ZFHX3: variants seen among roughly 807,000 people sequenced by gnomAD.
ZFHX3 encodes zinc finger homeobox protein 3.
Under a neutral mutation model 279.1 loss-of-function variants are expected in ZFHX3, and 42 were observed. The observed-to-expected ratio is 0.15, with a 90% confidence interval of 0.12 to 0.19. ZFHX3 has a LOEUF of 0.19. Ranked by LOEUF, ZFHX3 falls within the 10% of genes least tolerant of loss-of-function variation. The pLI, the probability that ZFHX3 is intolerant of heterozygous loss-of-function variation, is 1.00. For synonymous variants in ZFHX3, 2,293 were observed against 1,957.8 expected (o/e 1.17, Z -4.52); for missense variants, 4,981 against 4,754.0 (o/e 1.05, Z -1.40).
At chr16:73,586,335 G>C (rs940270138) in intron 2 of ZFHX3, among the ~76,000 whole-genome samples, 1 of 151,944 alleles carries the variant, frequency 6.6e-6, no homozygotes, top group African/African-American at 2.4e-5. Context: ...GTTACAGAAA[G>C]CTGAGATCGC....
intron 4 of ZFHX3, among the ~76,000 whole-genome samples, chr16:73,302,330 C>T (rs1349205954): frequency 6.6e-6 from 1 of 152,018 alleles, no homozygotes; most frequent in Non-Finnish European, 1.5e-5. Context: ...ATTCAATTGG[C>T]TTGCCCAGCA....
At chr16:73,458,568 G>T (rs1330504506) in intron 2 of ZFHX3, among the ~76,000 whole-genome samples, 3 of 152,072 alleles carry the variant, frequency 2.0e-5, no homozygotes, top group Non-Finnish European at 4.4e-5. Flanking sequence ...ATATTGGCCA[G>T]GCTGGTCTCG....
At chr16:73,421,768 G>A (rs1434644933) in intron 3 of ZFHX3, among the ~76,000 whole-genome samples, 1 of 152,164 alleles carries the variant, frequency 6.6e-6, no homozygotes, top group African/African-American at 2.4e-5. Context: ...CAGGGCTTCT[G>A]TCTGGGTGGG....
chr16:72,813,681 G>GAGACA (rs2036525511), intron 5 of ZFHX3, among the ~76,000 whole-genome samples: 2 of 152,066 alleles, frequency 1.3e-5, no homozygotes, highest in Admixed American at 6.5e-5. Context: ...AATCTGTCTC[G>GAGACA]AATCGACTTC....
At chr16:72,828,937 G>C (rs749331802) in intron 5 of ZFHX3, among the ~76,000 whole-genome samples, 2 of 151,306 alleles carry the variant, frequency 1.3e-5, no homozygotes, top group Non-Finnish European at 2.9e-5. Flanking sequence ...GCAATCTGCC[G>C]ACCTCAGCCT....
chr16:73,216,360 C>A (rs2012207604), intron 5 of ZFHX3, among the ~76,000 whole-genome samples: 1 of 152,330 alleles, frequency 6.6e-6, no homozygotes, highest in South Asian at 2.1e-4. Context: ...GCATCAGTTT[C>A]TCTGCAAATC....
At position 73,857,419 on chromosome 16, in the gene ZFHX3, G is replaced by C. The variant is rs144187297; in HGVS notation, c.-1608+34232C>G. ...AAAGACTCCAAGTCCTTTGGTAGGA[G>C]GGACACATCCCCTCTCTTTAGCATA... On this transcript the variant is annotated intron_variant, in intron 1 of 17. Coordinates refer to the ZFHX3 transcript ENST00000641206. Among the ~76,000 whole-genome samples, 492 of 152,290 alleles carry C rather than the reference G, an allele frequency of 3.2e-3. 2 individuals are homozygous for C. Among genetic ancestry groups the C allele is most frequent in the African/African-American group, 0.011 (468 of 41,570 alleles).
chr16:73,815,369 C>A (rs1272269785), intron 1 of ZFHX3, among the ~76,000 whole-genome samples: 1 of 152,098 alleles, frequency 6.6e-6, no homozygotes, highest in Non-Finnish European at 1.5e-5. Flanking sequence ...CTGAACTTGG[C>A]AACAGAAAAC....
At chr16:73,665,902 G>C (rs1328528925) in intron 2 of ZFHX3, among the ~76,000 whole-genome samples, 1 of 144,738 alleles carries the variant, frequency 6.9e-6, no homozygotes, top group Non-Finnish European at 1.5e-5. Context: ...TGCAAGGTCT[G>C]CCTCCCGGGT....
intron 4 of ZFHX3, among the ~76,000 whole-genome samples, chr16:73,285,029 T>G (rs747743438): frequency 3.9e-5 from 6 of 152,184 alleles, no homozygotes; most frequent in African/African-American, 9.7e-5. Flanking sequence ...AATTTTCTTT[T>G]TTGTAGAGAA....
chr16:73,483,688 C>G (rs1355334905), intron 2 of ZFHX3, among the ~76,000 whole-genome samples: 1 of 152,082 alleles, frequency 6.6e-6, no homozygotes, highest in African/African-American at 2.4e-5. Flanking sequence ...GTTTTACATT[C>G]CTGGTATGTA....
rs149718125 is a variant in ZFHX3, at chr16:72,976,823, G to A, written c.-49-16629C>T. On this transcript the variant is annotated intron_variant, in intron 1 of 9. Coordinates refer to ENST00000268489, the MANE Select transcript of ZFHX3 (RefSeq NM_006885.4). Reference sequence around the variant, plus strand: ...TCATGGCTGGACAAGTGGCACCGCCGCCCTGAGACCCTGCAGTGCTGGGGA... The same window carrying A: ...TCATGGCTGGACAAGTGGCACCGCCACCCTGAGACCCTGCAGTGCTGGGGA... 1.5e-3 allele frequency among the ~76,000 whole-genome samples: 232 copies of A among 152,282 alleles called. 1 individual carries two copies. In the Middle Eastern group the frequency reaches 0.031, roughly 20 times the overall value.
At chr16:73,664,770 G>C (rs1219486177) in intron 2 of ZFHX3, among the ~76,000 whole-genome samples, 1 of 152,168 alleles carries the variant, frequency 6.6e-6, no homozygotes, top group African/African-American at 2.4e-5. Context: ...ACATGTATAA[G>C]GTGTACCAAA....
intron 5 of ZFHX3, among the ~76,000 whole-genome samples, chr16:73,216,797 A>T (rs2012225904): frequency 6.6e-6 from 1 of 151,740 alleles, no homozygotes; most frequent in Non-Finnish European, 1.5e-5. Context: ...GGACTCAAAT[A>T]TTATCTGAAC....
chr16:73,036,487 A>G (rs575687196), intron 1 of ZFHX3, among the ~76,000 whole-genome samples: 134 of 152,310 alleles, frequency 8.8e-4, no homozygotes, highest in Non-Finnish European at 1.5e-3. Flanking sequence ...CTGTCCACCC[A>G]AAGCTCTATG....
At chr16:73,768,701 T>A (rs1057365389) in intron 1 of ZFHX3, among the ~76,000 whole-genome samples, 4 of 152,180 alleles carry the variant, frequency 2.6e-5, no homozygotes, top group Admixed American at 6.5e-5. Context: ...ACTTTAGAAA[T>A]AGATTTGAGA....
rs2035242619 is a variant in ZFHX3 at position 72,784,092 on chromosome 16, A to G, written c.*3072T>C. On this transcript the variant is annotated 3_prime_UTR_variant, in exon 10 of 10. Coordinates refer to ENST00000268489, the MANE Select transcript of ZFHX3 (RefSeq NM_006885.4). ...GTGCAACCCACTCCAGGTTGAAACA[A>G]TCACATAACCCCTCTGAGAACACTA... The G allele has an allele frequency of 6.5e-6, 1 of 152,750 alleles. No homozygotes were observed. The highest frequency in any genetic ancestry group is 2.1e-4 in the South Asian group (1 of 4,822). 9.5% of individuals were successfully genotyped at this position (152,750 alleles called of 1,614,324 possible).
intron 4 of ZFHX3, among the ~76,000 whole-genome samples, chr16:73,258,791 G>C (rs548691613): frequency 6.6e-6 from 1 of 152,276 alleles, no homozygotes; most frequent in East Asian, 1.9e-4. Context: ...TGGTATAAAT[G>C]AGATGGATCT....
Position 72,783,940 on chromosome 16 carries a change from A to T in ZFHX3, c.*3224T>A, listed in dbSNP as rs1274735721. ...CTGTCAGCCCACAAACATCTAACTC[A>T]TGTTTGACCTCTAATGTTCACCATC... is the stretch of plus-strand genomic sequence containing the variant. On this transcript the variant is annotated 3_prime_UTR_variant, in exon 10 of 10. Transcript: ENST00000268489. The T allele has an allele frequency of 2.6e-5, 4 of 152,212 alleles. No individual in the cohort carries two copies. Among genetic ancestry groups the T allele is most frequent in the African/African-American group, 9.6e-5 (4 of 41,454 alleles). 9.4% of individuals were successfully genotyped at this position (152,212 alleles called of 1,614,324 possible).
Sources: allele counts gnomAD v4.1 joint callset (sites outside exome capture counted in the v4.1 genomes callset), GRCh38; gene constraint gnomAD v4.1.1; transcripts MANE v1.5; gene names NCBI Gene and HGNC (gene_info 2026-07-23, HGNC 2026-07-21).